The following KLF12 variants were observed in gnomAD, a reference collection of about 807,000 sequenced individuals.
KLF12 encodes KLF transcription factor 12.
A neutral mutation model predicts 37.8 loss-of-function variants in KLF12; 9 were observed. The ratio of observed to expected loss-of-function variants is 0.24; its 90% confidence interval spans 0.14 to 0.42. KLF12 has a LOEUF of 0.42. KLF12 is among the 10% of genes least tolerant of loss of function. The pLI, the probability that KLF12 is intolerant of heterozygous loss-of-function variation, is 1.00. For missense variants in KLF12, 411 were observed against 516.0 expected (o/e 0.80, Z 1.97); for synonymous variants, 208 against 202.1 (o/e 1.03, Z -0.25).
chr13:74,182,012 G>A, the KLF12 span, among the ~76,000 whole-genome samples: 1 of 152,108 alleles, frequency 6.6e-6, no homozygotes, highest in African/African-American at 2.4e-5. Flanking sequence ...GAGATACATA[G>A]CAAAAAATTC....
At chr13:73,934,470 A>G (rs1171795714) in intron 3 of KLF12, among the ~76,000 whole-genome samples, 1 of 152,198 alleles carries the variant, frequency 6.6e-6, no homozygotes, top group African/African-American at 2.4e-5. Context: ...AAATTCTTTT[A>G]TATTGACCCA....
At chr13:73,866,305 T>C (rs774306946) in intron 3 of KLF12, among the ~76,000 whole-genome samples, 2 of 152,092 alleles carry the variant, frequency 1.3e-5, no homozygotes, top group African/African-American at 2.4e-5. Flanking sequence ...GGAAAGGTAT[T>C]ACATGTGTGT....
intron 5 of KLF12, among the ~76,000 whole-genome samples, chr13:73,784,330 T>A (rs1881167404): frequency 6.6e-6 from 1 of 152,168 alleles, no homozygotes; most frequent in Non-Finnish European, 1.5e-5. Context: ...CCTTAACTCC[T>A]TAACATGACA....
intron 7 of KLF12, among the ~76,000 whole-genome samples, chr13:73,706,687 C>T (rs917477863): frequency 4.6e-5 from 7 of 152,234 alleles, no homozygotes; most frequent in Admixed American, 1.3e-4. Context: ...CCAATGACCC[C>T]TTCAGTGCTG....
intron 3 of KLF12, among the ~76,000 whole-genome samples, chr13:73,902,570 G>A (rs1927006): frequency 1 from 152,183 of 152,332 alleles, 76,017 homozygotes; most frequent in Non-Finnish European, 1. Flanking sequence ...ACTGCATTAC[G>A]GCATGACTTT....
intron 3 of KLF12, among the ~76,000 whole-genome samples, chr13:73,910,945 A>G (rs1458325525): frequency 2.6e-5 from 4 of 152,184 alleles, no homozygotes; most frequent in East Asian, 1.9e-4. Flanking sequence ...GTAACACTCT[A>G]TGTCACCTGG....
At chr13:74,090,488 A>G (rs1340077797) in intron 1 of KLF12, among the ~76,000 whole-genome samples, 2 of 152,182 alleles carry the variant, frequency 1.3e-5, no homozygotes, top group Non-Finnish European at 2.9e-5. Flanking sequence ...TACCAGAATC[A>G]TAACTGACTT....
intron 1 of KLF12, among the ~76,000 whole-genome samples, chr13:74,071,355 C>G (rs189356242): frequency 6.6e-6 from 1 of 151,922 alleles, no homozygotes; most frequent in African/African-American, 2.4e-5. Context: ...ACCTATAATC[C>G]GCAAGACTAA....
At chr13:73,764,228 T>A (rs935324678) in intron 6 of KLF12, among the ~76,000 whole-genome samples, 8 of 152,154 alleles carry the variant, frequency 5.3e-5, no homozygotes, top group Non-Finnish European at 1.5e-5. Flanking sequence ...TTTTTTTTCC[T>A]TAATAACACA....
In KLF12 at chr13:73,950,326, G is replaced by A. The variant is rs186179529; in HGVS notation, c.34-6256C>T. Among the ~76,000 whole-genome samples the A allele has an allele frequency of 9.9e-5, 15 of 152,254 alleles. No individual in the cohort carries two copies. In the East Asian group the frequency reaches 1.7e-3, roughly 18 times the overall value. On this transcript the variant is annotated intron_variant, in intron 2 of 7. Coordinates refer to ENST00000377669, the MANE Select transcript of KLF12 (RefSeq NM_007249.5). Reference sequence around the variant, plus strand: ...AACTGGGAGCCAAAATTTACTATTGGCATTTCCAAAGGCCTCAATACATTT... The same window carrying A: ...AACTGGGAGCCAAAATTTACTATTGACATTTCCAAAGGCCTCAATACATTT...
At chr13:74,170,003 G>A in the KLF12 span, among the ~76,000 whole-genome samples, 1 of 151,940 alleles carries the variant, frequency 6.6e-6, no homozygotes, top group Non-Finnish European at 1.5e-5. Flanking sequence ...TTTCTAGAAA[G>A]CAAGTGGCAG....
intron 6 of KLF12, among the ~76,000 whole-genome samples, chr13:73,730,927 G>C (rs987191923): frequency 6.6e-6 from 1 of 151,572 alleles, no homozygotes; most frequent in Non-Finnish European, 1.5e-5. Context: ...CCATGATTTT[G>C]TTTTGTTCTG....
chr13:74,172,917 T>C, the KLF12 span, among the ~76,000 whole-genome samples: 1 of 152,284 alleles, frequency 6.6e-6, no homozygotes, highest in African/African-American at 2.4e-5. Context: ...CTTCGTCCTA[T>C]TTGTACTTGG....
chr13:73,774,140 C>G (rs1158006340), intron 5 of KLF12, among the ~76,000 whole-genome samples: 1 of 152,040 alleles, frequency 6.6e-6, no homozygotes, highest in African/African-American at 2.4e-5. Context: ...ACATTACATA[C>G]TGTTGTATAA....
chr13:74,192,979 G>GT, the KLF12 span, among the ~76,000 whole-genome samples: 16,420 of 129,796 alleles, frequency 0.13, 1,248 homozygotes, highest in African/African-American at 0.19. Flanking sequence ...AACTTTTTCT[G>GT]TTTTTTTTTT....
intron 3 of KLF12, among the ~76,000 whole-genome samples, chr13:73,895,588 G>C (rs1170864838): frequency 6.6e-6 from 1 of 152,180 alleles, no homozygotes; most frequent in Admixed American, 6.5e-5. Flanking sequence ...AAGGGTTACA[G>C]GGTGAATTAT....
rs1195686031 is a variant in KLF12, at chr13:73,875,720, T to C, written c.124-29347A>G. Among the ~76,000 whole-genome samples the C allele has an allele frequency of 2.0e-5, 3 of 152,172 alleles. No individual in the cohort carries two copies. The East Asian group carries it at 5.8e-4, about 29-fold the overall frequency. On this transcript the variant is annotated intron_variant, in intron 3 of 7. Coordinates refer to ENST00000377669, the MANE Select transcript of KLF12 (RefSeq NM_007249.5). ...ATCTACCTCTGTAGTAGATGACTTT[T>C]TAACGTTTTACATTTGATGAATTGT...
intron 1 of KLF12, among the ~76,000 whole-genome samples, chr13:74,122,771 G>A (rs1877708514): frequency 6.6e-6 from 1 of 151,800 alleles, no homozygotes; most frequent in African/African-American, 2.4e-5. Context: ...AAAGATAAAA[G>A]AGTTTCAAAA....
the KLF12 span, among the ~76,000 whole-genome samples, chr13:74,163,686 A>G: frequency 1.3e-5 from 2 of 152,112 alleles, no homozygotes; most frequent in Non-Finnish European, 2.9e-5. Context: ...ATAGTCAATA[A>G]TAACTTAATT....
Sources: allele counts gnomAD v4.1 joint callset (sites outside exome capture counted in the v4.1 genomes callset), GRCh38; gene constraint gnomAD v4.1.1; transcripts MANE v1.5; gene names NCBI Gene and HGNC (gene_info 2026-07-23, HGNC 2026-07-21).